Variants in FAM184A observed in about 807,000 individuals in gnomAD.
FAM184A encodes the protein family with sequence similarity 184 member A, also known as protein FAM184A.
FAM184A carries 99 observed loss-of-function variants against 143.8 expected under a neutral mutation model. The ratio of observed to expected loss-of-function variants is 0.69; its 90% CI spans 0.58 to 0.81. The LOEUF is 0.81. Ranked by LOEUF, FAM184A falls within the 40% of genes least tolerant of loss-of-function variation. The probability of loss-of-function intolerance (pLI) is 0.00; values close to 1 mark genes in which losing one functional copy is unlikely to be tolerated. For synonymous variants in FAM184A, 427 were observed against 446.4 expected, an observed-to-expected ratio of 0.96 and a Z score of 0.55; for missense variants, 1,217 against 1,310.5, an observed-to-expected ratio of 0.93 and a Z score of 1.10.
intron 1 of FAM184A, among the ~76,000 whole-genome samples, chr6:119,122,584 GTGCACA>G (rs1173815922): frequency 6.6e-6 from 1 of 152,066 alleles, no homozygotes; most frequent in Non-Finnish European, 1.5e-5. Context: ...AAGGAGAAAC[GTGCACA>G]TGCACAACTG....
Position 119,020,086 on chromosome 6 carries a change from C to T in FAM184A, c.1224G>A (p.Ser408=), listed in dbSNP as rs1169757136. The change falls in exon 4 of 18, where the codon TCG becomes TCA. Residue 408 remains serine, a synonymous_variant. Transcript: ENST00000338891. ...GTTGAGATAATCTCTCATTGACTCTCGATTTTTCTGATTCTAAATCTTTAA... is the reference window on the plus strand; with the variant it reads ...GTTGAGATAATCTCTCATTGACTCTTGATTTTTCTGATTCTAAATCTTTAA... ...VTIKDLESEK[S]RVNERLSQLE... 11 of 1,609,488 alleles carry T rather than the reference C, an allele frequency of 6.8e-6. No homozygotes were observed. Among genetic ancestry groups the T allele is most frequent in the Admixed American group, 1.7e-5 (1 of 59,034 alleles).
At chr6:119,059,852 GTAT>G (rs1787157047) in intron 1 of FAM184A, among the ~76,000 whole-genome samples, 1 of 152,100 alleles carries the variant, frequency 6.6e-6, no homozygotes, top group African/African-American at 2.4e-5. Flanking sequence ...ACGCTCACAA[GTAT>G]TATTTTGCCA....
chr6:118,984,460 G>C (rs1370589293), intron 9 of FAM184A, among the ~76,000 whole-genome samples: 1 of 151,852 alleles, frequency 6.6e-6, no homozygotes, highest in Non-Finnish European at 1.5e-5. Flanking sequence ...TTACAGGCAT[G>C]AGCCACTGTG....
chr6:119,042,077 G>A (rs1411808092), intron 1 of FAM184A, among the ~76,000 whole-genome samples: 5 of 152,158 alleles, frequency 3.3e-5, no homozygotes, highest in Middle Eastern at 3.4e-3. Context: ...GGTTAAGCCC[G>A]GAACCCAGAA....
intron 9 of FAM184A, among the ~76,000 whole-genome samples, chr6:118,995,779 T>G (rs1784526082): frequency 6.6e-6 from 1 of 152,226 alleles, no homozygotes; most frequent in Admixed American, 6.5e-5. Flanking sequence ...TGAAAATATT[T>G]TAATTATTTT....
At chr6:119,057,634 C>G (rs1162331259) in intron 1 of FAM184A, among the ~76,000 whole-genome samples, 1 of 151,868 alleles carries the variant, frequency 6.6e-6, no homozygotes, top group African/African-American at 2.4e-5. Flanking sequence ...TCCAGCTACT[C>G]GGGGGAGCTG....
intron 7 of FAM184A, chr6:119,005,620 C>A: frequency 6.5e-6 from 1 of 154,256 alleles, no homozygotes; most frequent in East Asian, 1.9e-4. Flanking sequence ...CTTCATTGTG[C>A]AGATGTGGAA....
intron 1 of FAM184A, among the ~76,000 whole-genome samples, chr6:119,029,655 C>T (rs2114703499): frequency 6.6e-6 from 1 of 152,154 alleles, no homozygotes; most frequent in South Asian, 2.1e-4. Context: ...GAAAAATGTA[C>T]AAATTAAAGC....
Position 118,976,088 on chromosome 6 carries a change from A to G in FAM184A, c.2456-44T>C, listed in dbSNP as rs904018698. On this transcript the variant is annotated intron_variant, in intron 11 of 17. Transcript: ENST00000338891. ...AATACATTTGGCACATTTAAAAAAT[A>G]TTATCAATACTTTAGATAAAAATTA... 7 of 1,587,064 alleles carry G rather than the reference A, an allele frequency of 4.4e-6. No individual in the cohort carries two copies. In the East Asian group the frequency reaches 1.6e-4, roughly 36 times the overall value.
At chr6:118,976,117 A>G in intron 11 of FAM184A, 73 bp from the exon 12 acceptor site, 1 of 1,454,948 alleles carries the variant, frequency 6.9e-7, no homozygotes, top group Middle Eastern at 1.9e-4. Flanking sequence ...AAAATTATAG[A>G]AGTAAAAAAT....
At chr6:118,962,569 GAA>G (rs1783367936) in intron 16 of FAM184A, 1 of 152,490 alleles carries the variant, frequency 6.6e-6, no homozygotes, top group Admixed American at 6.5e-5. Context: ...TCTGAAGAGA[GAA>G]AGTTATATCT....
Position 119,110,472 on chromosome 6 carries a change from A to AT in FAM184A, c.-202+38605dup, listed in dbSNP as rs141039702. On this transcript the variant is annotated intron_variant, in intron 1 of 16. Transcript: ENST00000352896. ...CTGCAAGAGAGGTGAGGCAATGGAG[A>AT]TTTTTTTTTTAGTTGGGTACACGGT... 6.3e-4 allele frequency among the ~76,000 whole-genome samples: 94 copies of AT among 150,146 alleles called. 1 individual carries two copies. Among genetic ancestry groups the AT allele is most frequent in the African/African-American group, 1.7e-3 (71 of 40,994 alleles).
chr6:119,136,284 CAAAAAAA>C lies in FAM184A; in HGVS notation c.-202+12787_-202+12793del, dbSNP rs11454485. On this transcript the variant is annotated intron_variant, in intron 1 of 16. Coordinates refer to the FAM184A transcript ENST00000352896. ...TGGGCGACAGAGCGAGACTCCGTCT[CAAAAAAA>C]AAAAAAAAAAAAAAAAGAATATTTC... 2.9e-4 allele frequency among the ~76,000 whole-genome samples: 19 copies of C among 65,896 alleles called. No individual in the cohort carries two copies. The East Asian group carries it at 7.5e-3, about 26-fold the overall frequency. 43.2% of individuals were successfully genotyped at this position (65,896 alleles called of 152,430 possible).
chr6:119,099,124 A>G (rs946926127), intron 1 of FAM184A, among the ~76,000 whole-genome samples: 3 of 152,204 alleles, frequency 2.0e-5, no homozygotes, highest in African/African-American at 7.2e-5. Context: ...AAAACAAAAC[A>G]AAATAAAACA....
chr6:119,061,731 G>C (rs1447635770), intron 1 of FAM184A, among the ~76,000 whole-genome samples: 2 of 151,620 alleles, frequency 1.3e-5, no homozygotes, highest in Non-Finnish European at 2.9e-5. Flanking sequence ...CATGAAATAA[G>C]AGCTCTACAA....
At chr6:119,026,978 C>T (rs1177195993) in intron 1 of FAM184A, among the ~76,000 whole-genome samples, 2 of 152,134 alleles carry the variant, frequency 1.3e-5, no homozygotes, top group African/African-American at 2.4e-5. Flanking sequence ...ACCATCTATT[C>T]TCTCTGAAGC....
chr6:119,024,102 A>T lies in FAM184A; in HGVS notation c.871T>A (p.Phe291Ile), dbSNP rs1347209294. The part of the protein sequence containing the change: ...KEKEADLRKE[F>I]QGQEAILRKT... ...CGTAAAATTGCTTCTTGTCCCTGAA[A>T]TTCTTTTCTAAGATCAGCTTCCTTT... Residue 291 changes from phenylalanine to isoleucine, a missense_variant, in exon 2 of 18, where the codon TTT (phenylalanine) becomes ATT (isoleucine). By Grantham distance (21) the Phe-to-Ile change is conservative. Coordinates refer to ENST00000338891, the MANE Select transcript of FAM184A (RefSeq NM_024581.6). The T allele has an allele frequency of 1.2e-6, 2 of 1,614,196 alleles. No individual in the cohort carries two copies. Among genetic ancestry groups the T allele is most frequent in the East Asian group, 4.5e-5 (2 of 44,886 alleles).
chr6:119,147,449 C>G (rs1049196855), intron 1 of FAM184A, among the ~76,000 whole-genome samples: 1 of 152,152 alleles, frequency 6.6e-6, no homozygotes, highest in African/African-American at 2.4e-5. Context: ...CCAACCCCCA[C>G]CACCTCTTGC....
intron 1 of FAM184A, among the ~76,000 whole-genome samples, chr6:119,130,815 G>A (rs528608392): frequency 2.0e-5 from 3 of 151,488 alleles, no homozygotes; most frequent in Non-Finnish European, 4.4e-5. Flanking sequence ...CCTGAAGTGG[G>A]TATTTGACAT....
Sources: allele counts gnomAD v4.1 joint callset (sites outside exome capture counted in the v4.1 genomes callset), GRCh38; gene constraint gnomAD v4.1.1; transcripts MANE v1.5; gene names NCBI Gene and HGNC (gene_info 2026-07-23, HGNC 2026-07-21).